LHFPL2: variants seen among roughly 807,000 people sequenced by gnomAD.
LHFPL2 encodes the protein LHFPL tetraspan subfamily member 2 protein.
Under a neutral mutation model 17.5 loss-of-function variants are expected in LHFPL2, and 7 were observed. The observed-to-expected ratio is 0.40, with a 90% CI of 0.23 to 0.75. The LOEUF (loss-of-function observed/expected upper bound fraction) is 0.75. Ranked by LOEUF, LHFPL2 falls within the 30% of genes least tolerant of loss-of-function variation. The pLI, the probability that LHFPL2 is intolerant of heterozygous loss-of-function variation, is 0.37. For synonymous variants in LHFPL2, 134 were observed against 116.2 expected (o/e 1.15, Z -0.99); for missense variants, 241 against 294.8 (o/e 0.82, Z 1.34).
intron 4 of LHFPL2, among the ~76,000 whole-genome samples, chr5:78,498,840 T>TA (rs1357005109): frequency 4.6e-5 from 7 of 152,170 alleles, no homozygotes; most frequent in Non-Finnish European, 8.8e-5. Context: ...AACTATCCTG[T>TA]AAAAAACAGA....
intron 3 of LHFPL2, among the ~76,000 whole-genome samples, chr5:78,520,945 A>G (rs185957400): frequency 1.3e-3 from 203 of 152,354 alleles, no homozygotes; most frequent in African/African-American, 4.5e-3. Flanking sequence ...TCAGACAACT[A>G]AAATGCTTGG....
intron 4 of LHFPL2, among the ~76,000 whole-genome samples, chr5:78,503,754 G>A (rs555462402): frequency 2.6e-5 from 4 of 152,230 alleles, no homozygotes; most frequent in Non-Finnish European, 5.9e-5. Flanking sequence ...ATTAATACCT[G>A]CTTGGTCCAC....
chr5:78,638,803 G>A (rs1240129861), intron 1 of LHFPL2, among the ~76,000 whole-genome samples: 4 of 152,236 alleles, frequency 2.6e-5, no homozygotes, highest in East Asian at 3.9e-4. Flanking sequence ...CAAGACAGAC[G>A]ACCAGGTCAG....
chr5:78,629,795 G>C (rs1561372905), intron 2 of LHFPL2, among the ~76,000 whole-genome samples: 1 of 152,190 alleles, frequency 6.6e-6, no homozygotes, highest in Non-Finnish European at 1.5e-5. Flanking sequence ...CTGGACACAA[G>C]GGGCCCATGT....
chr5:78,618,927 G>A (rs1744726167), intron 2 of LHFPL2, among the ~76,000 whole-genome samples: 1 of 152,098 alleles, frequency 6.6e-6, no homozygotes, highest in Non-Finnish European at 1.5e-5. Context: ...CAGCAGAATG[G>A]TATTATACAG....
Position 78,488,927 on chromosome 5 carries a change from T to G in LHFPL2, c.657A>C (p.Glu219Asp). Residue 219 changes from glutamate (E) to aspartate (D), a missense_variant, in exon 5 of 5, where the codon GAA (glutamate) becomes GAC (aspartate). Physicochemically the swap from Glu to Asp is conservative, Grantham distance 45. Transcript: ENST00000380345. Reference protein sequence around the residue: ...TSSDKVQEEIEEGKNLICLL With the variant: ...TSSDKVQEEIDEGKNLICLL ...GGAGGCAGATCAGATTTTTCCCCTCTTCAATTTCTTCCTGTACTTTGTCAC... is the reference window on the plus strand; with the variant it reads ...GGAGGCAGATCAGATTTTTCCCCTCGTCAATTTCTTCCTGTACTTTGTCAC... 1.2e-6 allele frequency: 2 copies of G among 1,614,194 alleles called. No individual in the cohort carries two copies. The highest frequency in any genetic ancestry group is 4.5e-5 in the East Asian group (2 of 44,884).
chr5:78,528,395 C>G (rs1272764723), intron 3 of LHFPL2, among the ~76,000 whole-genome samples: 3 of 152,164 alleles, frequency 2.0e-5, no homozygotes, highest in African/African-American at 7.2e-5. Flanking sequence ...GAGCACAAAC[C>G]CTATTGTGAA....
At chr5:78,517,719 A>C (rs572568816) in intron 3 of LHFPL2, among the ~76,000 whole-genome samples, 11 of 152,330 alleles carry the variant, frequency 7.2e-5, no homozygotes, top group African/African-American at 2.6e-4. Context: ...ATTACCTCCC[A>C]TTGGGTCCCT....
intron 3 of LHFPL2, among the ~76,000 whole-genome samples, chr5:78,561,768 C>A (rs1464058230): frequency 6.6e-6 from 1 of 152,190 alleles, no homozygotes; most frequent in South Asian, 2.1e-4. Flanking sequence ...TCAGAGAAAT[C>A]AGGTGAGATA....
chr5:78,509,648 G>C (rs1755043010), intron 4 of LHFPL2, 136 bp downstream of exon 4: 8 of 859,660 alleles, frequency 9.3e-6, no homozygotes, highest in Non-Finnish European at 1.3e-5. Context: ...AGAACGGAAG[G>C]GGCAAAGGAA....
chr5:78,639,030 T>C (rs1012448741), intron 1 of LHFPL2, among the ~76,000 whole-genome samples: 5 of 152,178 alleles, frequency 3.3e-5, no homozygotes, highest in African/African-American at 1.2e-4. Context: ...GCCAGAAGCC[T>C]CTTAGGACCA....
At chr5:78,644,129 C>T in intron 1 of LHFPL2, 1 of 497,772 alleles carries the variant, frequency 2.0e-6, no homozygotes, top group Non-Finnish European at 3.6e-6. Context: ...AGTGTGTTAA[C>T]TATACAAAAA....
In LHFPL2 at chr5:78,546,090, G is replaced by A. The variant is rs189044883; in HGVS notation, c.-186+18723C>T. Among the ~76,000 whole-genome samples, 5 of 152,300 alleles carry A rather than the reference G, an allele frequency of 3.3e-5. No individual in the cohort carries two copies. In the East Asian group the frequency reaches 5.8e-4, roughly 18 times the overall value. On this transcript the variant is annotated intron_variant, in intron 3 of 4. Transcript: ENST00000380345. ...TACCACTAAAAACTCTGGAGTGACC[G>A]TCTGTGAGCCATTAAACCCAAGCAC...
At chr5:78,632,757 C>T (rs1227405659) in intron 1 of LHFPL2, among the ~76,000 whole-genome samples, 1 of 152,142 alleles carries the variant, frequency 6.6e-6, no homozygotes, top group Non-Finnish European at 1.5e-5. Context: ...GTCGCATTCA[C>T]GACTTTGATG....
chr5:78,503,700 AAAAC>A (rs34477429), intron 4 of LHFPL2, among the ~76,000 whole-genome samples: 23 of 151,738 alleles, frequency 1.5e-4, no homozygotes, highest in East Asian at 1.4e-3. Context: ...CTCCATCTCA[AAAAC>A]AAACAAACAA....
intron 4 of LHFPL2, among the ~76,000 whole-genome samples, chr5:78,497,355 C>G (rs893066904): frequency 6.6e-6 from 1 of 152,204 alleles, no homozygotes; most frequent in African/African-American, 2.4e-5. Flanking sequence ...TCTCACTATT[C>G]CAGCATACCC....
chr5:78,640,349 G>T (rs183802173), intron 1 of LHFPL2, among the ~76,000 whole-genome samples: 1 of 152,146 alleles, frequency 6.6e-6, no homozygotes, highest in Admixed American at 6.5e-5. Context: ...CATTATAAGG[G>T]GTGGGGTCTT....
intron 3 of LHFPL2, among the ~76,000 whole-genome samples, chr5:78,534,367 G>A (rs903160666): frequency 7.9e-5 from 12 of 152,298 alleles, no homozygotes; most frequent in South Asian, 2.1e-4. Context: ...GCCTCCAGCC[G>A]TGTGTCCTCG....
chr5:78,496,745 T>G (rs972710166), intron 4 of LHFPL2, among the ~76,000 whole-genome samples: 2 of 152,140 alleles, frequency 1.3e-5, no homozygotes, highest in Non-Finnish European at 2.9e-5. Context: ...TATTCTCATA[T>G]GAATTTAAGA....
Sources: gnomAD v4.1 joint callset for allele counts (sites outside exome capture counted in the v4.1 genomes callset) on GRCh38, gnomAD v4.1.1 for gene constraint, MANE v1.5 for transcripts, NCBI Gene and HGNC (gene_info 2026-07-23, HGNC 2026-07-21) for gene names.